The following PSD4 variants were observed in gnomAD, a reference collection of about 807,000 sequenced individuals.
The protein encoded by PSD4 is PH and SEC7 domain-containing protein 4.
PSD4 carries 59 observed loss-of-function variants against 112.5 expected under a neutral mutation model. The ratio of observed to expected loss-of-function variants is 0.52; its 90% CI spans 0.43 to 0.65. The LOEUF (loss-of-function observed/expected upper bound fraction) is 0.65, where lower values mean the gene tolerates loss of function less well. PSD4 is among the 30% of genes least tolerant of loss of function. The pLI is 0.00. For synonymous variants in PSD4, 533 were observed against 540.0 expected (o/e 0.99, Z 0.18); for missense variants, 1,267 against 1,352.6 (o/e 0.94, Z 0.99).
intron 1 of PSD4, among the ~76,000 whole-genome samples, chr2:113,180,551 A>G (rs1002177075): frequency 6.6e-6 from 1 of 152,194 alleles, no homozygotes; most frequent in South Asian, 2.1e-4. Flanking sequence ...GAGCAGGGAA[A>G]GGGCAGAGAG....
intron 10 of PSD4, among the ~76,000 whole-genome samples, chr2:113,194,567 A>G (rs1558894325): frequency 6.6e-6 from 1 of 152,230 alleles, no homozygotes; most frequent in African/African-American, 2.4e-5. Flanking sequence ...TATTGTGTGA[A>G]CATTATAGAG....
Position 113,201,198 on chromosome 2 carries a change from G to A in PSD4, c.2954G>A (p.Arg985His), listed in dbSNP as rs767156856. Reference protein sequence around the residue: ...YETYVQLLVARLHCPSDALDL... With the variant: ...YETYVQLLVAHLHCPSDALDL... ...ACCTACGTGCAGCTGCTGGTGGCCC[G>A]CCTGCACTGCCCCTCTGATGCTCTG... Residue 985 changes from arginine (R) to histidine (H), a missense_variant, in exon 17 of 17, where the codon CGC becomes CAC. Coordinates refer to ENST00000245796, the MANE Select transcript of PSD4 (RefSeq NM_012455.3). 3.3e-5 allele frequency: 54 copies of A among 1,613,736 alleles called. No homozygotes were observed. Among genetic ancestry groups the A allele is most frequent in the East Asian group, 2.0e-4 (9 of 44,884 alleles).
At chr2:113,188,411 T>C (rs573819463) in intron 5 of PSD4, among the ~76,000 whole-genome samples, 120 of 151,750 alleles carry the variant, frequency 7.9e-4, no homozygotes, top group South Asian at 1.7e-3. Flanking sequence ...GCCTGGCTAA[T>C]TTTTGTACTT....
At chr2:113,188,157 G>A (rs963134946) in intron 5 of PSD4, among the ~76,000 whole-genome samples, 9 of 151,994 alleles carry the variant, frequency 5.9e-5, no homozygotes, top group South Asian at 2.1e-4. Flanking sequence ...GTCAATTAGT[G>A]TTGTTACTAA....
At position 113,206,287 on chromosome 2, in the gene PSD4, G is replaced by GT. The variant is rs1688862448; in HGVS notation, c.*4874dup. 2 of 152,274 alleles carry GT rather than the reference G, an allele frequency of 1.3e-5. No individual in the cohort carries two copies. Among genetic ancestry groups the GT allele is most frequent in the African/African-American group, 4.8e-5 (2 of 41,472 alleles). 9.4% of individuals were successfully genotyped at this position (152,274 alleles called of 1,614,324 possible). ...GCCAACTGTTCCCAGCCCTTACCAGGTTCCCATTCATACCTGGCTCTAATT... is the reference window on the plus strand; with the variant it reads ...GCCAACTGTTCCCAGCCCTTACCAGGTTTCCCATTCATACCTGGCTCTAATT... On this transcript the variant is annotated 3_prime_UTR_variant, in exon 17 of 17. Coordinates refer to ENST00000245796, the MANE Select transcript of PSD4 (RefSeq NM_012455.3).
chr2:113,185,235 T>G (rs1380900713), intron 3 of PSD4, 130 bp from the exon 4 acceptor site: 2 of 1,542,658 alleles, frequency 1.3e-6, no homozygotes, highest in East Asian at 2.3e-5. Flanking sequence ...GGGAGGAGGA[T>G]GGAGGGGCTT....
Position 113,203,581 on chromosome 2 carries a change from GGAGACGGA to G in PSD4, c.*2168_*2175del, listed in dbSNP as rs1688823231. 3.2e-5 allele frequency: 1 copy of G among 31,398 alleles called. No individual in the cohort carries two copies. The highest frequency in any genetic ancestry group is 9.7e-5 in the African/African-American group (1 of 10,304). The allele number at this position is 31,398 out of a possible 1,614,324, so 1.9% of individuals were successfully genotyped here. Reference sequence around the variant, plus strand: ...TTTTTTTTTTTTTTTTTTTTTTTTTGGAGACGGAGTTTCGCTCTTGTAACCCAGGCTGG... The same window carrying G: ...TTTTTTTTTTTTTTTTTTTTTTTTTGGTTTCGCTCTTGTAACCCAGGCTGG... On this transcript the variant is annotated 3_prime_UTR_variant, in exon 17 of 17. Transcript: ENST00000245796.
At position 113,192,400 on chromosome 2, in the gene PSD4, T is replaced by A; in HGVS notation, c.1649T>A (p.Met550Lys). The A allele has an allele frequency of 6.2e-7, 1 of 1,614,222 alleles. No homozygotes were observed. The highest frequency in any genetic ancestry group is 1.1e-5 in the South Asian group (1 of 91,082). The change falls in exon 6 of 17, where the codon ATG becomes AAG. Residue 550 changes from methionine to lysine, a missense_variant. Transcript: ENST00000245796. ...SAEHENLRTPMNSSWLPGSPM... is the reference protein window; with the variant it reads ...SAEHENLRTPKNSSWLPGSPM... ...TCAAGTGAGAATCTGAGGACACCGA[T>A]GAACTCTTCTTGGCTTCCTGGGAGC...
rs761054272 is a variant in PSD4 at position 113,192,548 on chromosome 2, G to A, written c.1797G>A (p.Glu599=). Residue 599 remains glutamate (E), a synonymous_variant, in exon 6 of 17, where the codon GAG becomes GAA. Transcript: ENST00000245796. ...TGGCCTCACGCCTCTATCGCCTGGAGGGCTTCCGGAAGTCTGAAGTGGCTG... is the reference window on the plus strand; with the variant it reads ...TGGCCTCACGCCTCTATCGCCTGGAAGGCTTCCGGAAGTCTGAAGTGGCTG... The part of the protein sequence containing the change: ...WNLASRLYRL[E]GFRKSEVAAY... The A allele has an allele frequency of 2.5e-6, 4 of 1,614,108 alleles. No individual in the cohort carries two copies. Among genetic ancestry groups the A allele is most frequent in the Admixed American group, 3.3e-5 (2 of 60,006 alleles).
intron 16 of PSD4, among the ~76,000 whole-genome samples, chr2:113,199,946 C>T (rs1404167798): frequency 6.6e-6 from 1 of 152,188 alleles, no homozygotes; most frequent in Non-Finnish European, 1.5e-5. Flanking sequence ...CTGCCTCAGC[C>T]TCCCGAGTAG....
rs546665015 is a variant in PSD4, at chr2:113,182,216, G to A, written c.-111-130G>A. 6.9e-4 allele frequency: 332 copies of A among 482,840 alleles called. 3 individuals are homozygous for A. In the South Asian group the frequency reaches 0.011, roughly 16 times the overall value. 29.9% of individuals were successfully genotyped at this position (482,840 alleles called of 1,614,324 possible). A position where few individuals can be genotyped will look rare whatever the true frequency, so the allele number is the denominator to read the frequency against. On this transcript the variant is annotated intron_variant, in intron 1 of 16. Transcript: ENST00000245796. ...TACACTCCTTACTCCCAGCAGGGCT[G>A]TGGAGGGCAGTGCTAAGGAGCAGCA...
chr2:113,180,995 A>G (rs1023951850), intron 1 of PSD4, among the ~76,000 whole-genome samples: 5 of 151,888 alleles, frequency 3.3e-5, no homozygotes, highest in Non-Finnish European at 7.4e-5. Flanking sequence ...AGGTGGGCAG[A>G]TCACTTGAGG....
rs766548905 is a variant in PSD4, at chr2:113,201,453, G to C, written c.*38G>C. 7.5e-6 allele frequency: 12 copies of C among 1,605,204 alleles called. No homozygotes were observed. The African/African-American group carries it at 1.1e-4, about 14-fold the overall frequency. On this transcript the variant is annotated 3_prime_UTR_variant, in exon 17 of 17. Coordinates refer to ENST00000245796, the MANE Select transcript of PSD4 (RefSeq NM_012455.3). ...CTCAGAGACACTGTTCCCTGCTCCA[G>C]GGTAGACCTGAGATGAACCTCCCTG...
intron 1 of PSD4, among the ~76,000 whole-genome samples, chr2:113,181,901 C>T (rs773062217): frequency 5.3e-5 from 8 of 152,160 alleles, no homozygotes; most frequent in Non-Finnish European, 8.8e-5. Context: ...TTGCATTCTC[C>T]TCACCTCGTC....
chr2:113,196,428 C>T, intron 12 of PSD4, 121 bp downstream of exon 12: 1 of 1,307,448 alleles, frequency 7.6e-7, no homozygotes, highest in Non-Finnish European at 1.0e-6. Context: ...GCAGCCAGCC[C>T]ATGTTCCTTC....
At chr2:113,192,164 A>C (rs923162878) in intron 5 of PSD4, among the ~76,000 whole-genome samples, 22 of 151,990 alleles carry the variant, frequency 1.4e-4, no homozygotes, top group Non-Finnish European at 2.8e-4. Flanking sequence ...GCAGGACCCC[A>C]GACCTGGAGA....
rs4849161 is a variant in PSD4, at chr2:113,176,775, G to A, written c.-112+2721G>A. Among the ~76,000 whole-genome samples the A allele has an allele frequency of 2.0e-3, 303 of 152,286 alleles. 1 individual carries two copies. Among genetic ancestry groups the A allele is most frequent in the Admixed American group, 4.7e-3 (72 of 15,294 alleles). On this transcript the variant is annotated intron_variant, in intron 1 of 16. Coordinates refer to ENST00000245796, the MANE Select transcript of PSD4 (RefSeq NM_012455.3). The stretch of plus-strand genomic sequence containing the variant: ...AGTAAACCAAGAAAATTTTAGATGC[G>A]TAAGACCTGGGCTCTGCTGCCCAGT...
intron 5 of PSD4, among the ~76,000 whole-genome samples, chr2:113,191,416 C>T (rs1319732305): frequency 6.6e-6 from 1 of 152,212 alleles, no homozygotes; most frequent in Admixed American, 6.5e-5. Context: ...GCTGGGACTA[C>T]AGGCATGTGC....
Position 113,197,881 on chromosome 2 carries a change from G to C in PSD4, c.2592G>C (p.Thr864=). 1 of 1,598,746 alleles carries C rather than the reference G, an allele frequency of 6.3e-7. No individual in the cohort carries two copies. Among genetic ancestry groups the C allele is most frequent in the Non-Finnish European group, 8.5e-7 (1 of 1,169,644 alleles). ...TKKPHVFQLR[T]ADWRLYLFQA... is the part of the protein sequence containing the mutation. The stretch of plus-strand genomic sequence containing the variant: ...AGCCGCACGTCTTCCAGCTGCGCAC[G>C]GCTGACTGGCGCCTCTACCTCTTCC... Residue 864 remains threonine (T), a synonymous_variant, in exon 14 of 17, where the codon ACG becomes ACC. Coordinates refer to ENST00000245796, the MANE Select transcript of PSD4 (RefSeq NM_012455.3).
Sources: allele counts gnomAD v4.1 joint callset (sites outside exome capture counted in the v4.1 genomes callset), GRCh38; gene constraint gnomAD v4.1.1; transcripts MANE v1.5; gene names NCBI Gene and HGNC (gene_info 2026-07-23, HGNC 2026-07-21).